WWOX: variants seen among roughly 807,000 people sequenced by gnomAD.
WWOX encodes the protein WW domain-containing oxidoreductase.
In WWOX, 69 loss-of-function variants were observed where a neutral mutation model predicts 46.2. The observed-to-expected ratio is 1.49, with a 90% CI of 1.23 to 1.82. The LOEUF (loss-of-function observed/expected upper bound fraction) is 1.82. Among genes scored for constraint, WWOX ranks in the 40% most tolerant of loss-of-function variants. WWOX has a pLI of 0.00. For synonymous variants in WWOX, 359 were observed against 202.6 expected, an observed-to-expected ratio of 1.77 and a Z score of -6.56; for missense variants, 919 against 542.6, an observed-to-expected ratio of 1.69 and a Z score of -6.89.
intron 8 of WWOX, among the ~76,000 whole-genome samples, chr16:79,144,919 G>T (rs991465055): frequency 6.6e-6 from 1 of 152,096 alleles, no homozygotes; most frequent in South Asian, 2.1e-4. Context: ...TTTATTGTAG[G>T]TATGTATGTA....
At chr16:78,182,369 G>T (rs1490009448) in intron 5 of WWOX, among the ~76,000 whole-genome samples, 1 of 152,040 alleles carries the variant, frequency 6.6e-6, no homozygotes, top group Non-Finnish European at 1.5e-5. Flanking sequence ...TCTCTTTCTT[G>T]TTCCAACCAT....
At chr16:78,689,299 T>C (rs939171015) in intron 8 of WWOX, among the ~76,000 whole-genome samples, 1 of 152,214 alleles carries the variant, frequency 6.6e-6, no homozygotes, top group Admixed American at 6.5e-5. Context: ...CTGCACGCCT[T>C]GTATTTTTCT....
chr16:78,129,843 A>G (rs991307492), intron 4 of WWOX, among the ~76,000 whole-genome samples: 3 of 152,068 alleles, frequency 2.0e-5, no homozygotes, highest in African/African-American at 7.2e-5. Flanking sequence ...AAAAATTCCT[A>G]TGTTGAAACC....
At position 78,915,708 on chromosome 16, in the gene WWOX, A is replaced by G. The variant is rs550779178; in HGVS notation, c.1057-295900A>G. 2.6e-4 allele frequency among the ~76,000 whole-genome samples: 40 copies of G among 151,710 alleles called. No individual in the cohort carries two copies. In the East Asian group the frequency reaches 6.6e-3, roughly 25 times the overall value. On this transcript the variant is annotated intron_variant, in intron 8 of 8. Transcript: ENST00000566780. The stretch of plus-strand genomic sequence containing the variant: ...CTCTCCAAAGCCATTTAAAAAAAAA[A>G]TTGCACCAGTTCTCATCCCGTCATC...
rs551241978 is a variant in WWOX at position 78,707,919 on chromosome 16, G to C, written c.1056+275167G>C. Among the ~76,000 whole-genome samples the C allele has an allele frequency of 1.2e-4, 19 of 152,108 alleles. No individual in the cohort carries two copies. In the South Asian group the frequency reaches 2.1e-3, roughly 17 times the overall value. On this transcript the variant is annotated intron_variant, in intron 8 of 8. Coordinates refer to ENST00000566780, the MANE Select transcript of WWOX (RefSeq NM_016373.4). ...CTGTCCCCAAGTCACAATGCTATTC[G>C]GTTGGTGCAAAAGCAATCGTGGTTT...
At chr16:79,108,082 C>T (rs927999432) in intron 8 of WWOX, among the ~76,000 whole-genome samples, 1 of 152,136 alleles carries the variant, frequency 6.6e-6, no homozygotes, top group Non-Finnish European at 1.5e-5. Context: ...TATCTATTAT[C>T]AGGATTTTCT....
At chr16:78,599,423 A>G (rs988477575) in intron 8 of WWOX, among the ~76,000 whole-genome samples, 1 of 152,222 alleles carries the variant, frequency 6.6e-6, no homozygotes, top group Non-Finnish European at 1.5e-5. Flanking sequence ...CCATAGCCTA[A>G]GGCTGTGGCC....
chr16:78,340,408 C>T lies in WWOX; in HGVS notation c.517-46452C>T, dbSNP rs1229936937. On this transcript the variant is annotated intron_variant, in intron 5 of 8. Transcript: ENST00000566780. The stretch of plus-strand genomic sequence containing the variant: ...TTTTTAGTAGAGATGAAGTGTTTAC[C>T]CTGTTGGCCAGGCTGGTCATGAACT... Among the ~76,000 whole-genome samples, 4 of 118,972 alleles carry T rather than the reference C, an allele frequency of 3.4e-5. 1 individual carries two copies. The highest frequency in any genetic ancestry group is 1.1e-4 in the African/African-American group (4 of 35,108). The allele number at this position is 118,972 out of a possible 152,430, so 78.1% of individuals were successfully genotyped here.
At chr16:79,102,670 T>C (rs1456543301) in intron 8 of WWOX, among the ~76,000 whole-genome samples, 6 of 152,206 alleles carry the variant, frequency 3.9e-5, no homozygotes, top group African/African-American at 1.2e-4. Flanking sequence ...GCCAGGCATA[T>C]AATAGCCACT....
intron 5 of WWOX, among the ~76,000 whole-genome samples, chr16:78,254,826 G>C (rs766182891): frequency 6.6e-6 from 1 of 152,120 alleles, no homozygotes; most frequent in African/African-American, 2.4e-5. Context: ...ACCACATCTG[G>C]CCAACTTCCC....
intron 8 of WWOX, among the ~76,000 whole-genome samples, chr16:78,826,519 C>A (rs1006850278): frequency 6.6e-6 from 1 of 152,194 alleles, no homozygotes; most frequent in Admixed American, 6.5e-5. Context: ...CCAATCCCTG[C>A]CTCTGCAGCC....
At chr16:78,789,186 T>G (rs1370317560) in intron 8 of WWOX, among the ~76,000 whole-genome samples, 1 of 152,288 alleles carries the variant, frequency 6.6e-6, no homozygotes, top group Middle Eastern at 3.4e-3. Flanking sequence ...TTGATTGTCA[T>G]GGTGGTGTGA....
At chr16:78,808,161 G>A (rs558586598) in intron 8 of WWOX, among the ~76,000 whole-genome samples, 7 of 152,294 alleles carry the variant, frequency 4.6e-5, no homozygotes, top group Admixed American at 3.9e-4. Flanking sequence ...TGGCACCCAT[G>A]TTATTCCACC....
At chr16:78,337,593 C>G (rs981911506) in intron 5 of WWOX, among the ~76,000 whole-genome samples, 1 of 152,054 alleles carries the variant, frequency 6.6e-6, no homozygotes, top group Non-Finnish European at 1.5e-5. Context: ...TGGAGTGAAA[C>G]CATTCCAATT....
intron 8 of WWOX, among the ~76,000 whole-genome samples, chr16:78,492,480 T>C (rs747405032): frequency 1.3e-5 from 2 of 152,122 alleles, no homozygotes; most frequent in African/African-American, 2.4e-5. Context: ...TTGGACTGTT[T>C]GCATGTAACG....
At chr16:79,001,800 AC>A (rs1487728449) in intron 8 of WWOX, among the ~76,000 whole-genome samples, 1 of 151,930 alleles carries the variant, frequency 6.6e-6, no homozygotes, top group Non-Finnish European at 1.5e-5. Context: ...TCTGCAGTGA[AC>A]CTCATGACTG....
At chr16:78,909,455 A>G (rs1424966411) in intron 8 of WWOX, among the ~76,000 whole-genome samples, 1 of 152,192 alleles carries the variant, frequency 6.6e-6, no homozygotes, top group Non-Finnish European at 1.5e-5. Context: ...CTATTACACA[A>G]GTGTCAAAAC....
At chr16:78,713,233 C>A (rs892260693) in intron 8 of WWOX, among the ~76,000 whole-genome samples, 1 of 137,838 alleles carries the variant, frequency 7.3e-6, no homozygotes, top group Non-Finnish European at 1.5e-5. Context: ...GTGATTGTGC[C>A]ACTGCACTTT....
intron 8 of WWOX, among the ~76,000 whole-genome samples, chr16:78,717,155 G>T (rs949201150): frequency 6.6e-6 from 1 of 152,176 alleles, no homozygotes; most frequent in Non-Finnish European, 1.5e-5. Flanking sequence ...TGTAAATCTA[G>T]TCTGTCTCCC....
Sources: gnomAD v4.1 joint callset for allele counts (sites outside exome capture counted in the v4.1 genomes callset) on GRCh38, gnomAD v4.1.1 for gene constraint, MANE v1.5 for transcripts, NCBI Gene and HGNC (gene_info 2026-07-23, HGNC 2026-07-21) for gene names.